The following HSD11B2 variants were observed in gnomAD, a reference collection of about 807,000 sequenced individuals.
The protein encoded by HSD11B2 is hydroxysteroid 11-beta dehydrogenase 2.
HSD11B2 carries 17 observed loss-of-function variants against 20.9 expected under a neutral mutation model. The observed-to-expected ratio is 0.81, with a 90% confidence interval of 0.56 to 1.22. The LOEUF (loss-of-function observed/expected upper bound fraction) is 1.22. HSD11B2 is among the 50% of genes most tolerant of loss of function. The pLI is 0.00. For missense variants in HSD11B2, 480 were observed against 563.6 expected, an observed-to-expected ratio of 0.85 and a Z score of 1.50; for synonymous variants, 253 against 255.4, an observed-to-expected ratio of 0.99 and a Z score of 0.09.
intron 1 of HSD11B2, 42 bp downstream of exon 1, chr16:67,431,555 G>T: frequency 7.6e-7 from 1 of 1,316,388 alleles, no homozygotes; most frequent in South Asian, 2.0e-5. Context: ...CCAGGCTCGA[G>T]GGCGGGACTG....
Position 67,436,993 on chromosome 16 carries a change from T to TG in HSD11B2, c.1210dup (p.Ala404GlyfsTer75). 1.2e-6 allele frequency: 2 copies of TG among 1,608,318 alleles called. No homozygotes were observed. Among genetic ancestry groups the TG allele is most frequent in the Non-Finnish European group, 8.5e-7 (1 of 1,179,888 alleles). ...CTGAGCCCCGGCCCTTCCCCAGCAG[T>TG]GGCTCGGTGAGCCATGTGCACCTAT... On this transcript the variant is annotated frameshift_variant, in exon 5 of 5. Coordinates refer to ENST00000326152, the MANE Select transcript of HSD11B2 (RefSeq NM_000196.4). LOFTEE classifies it high-confidence loss of function. This position sits in a 1 kb window ranked among gnomAD's most constrained non-coding sequence, Gnocchi z 5.7.
At chr16:67,432,527 T>C (rs12935253) in intron 1 of HSD11B2, 38,191 of 151,920 alleles carry the variant, frequency 0.25, 9,244 homozygotes, top group African/African-American at 0.64. Flanking sequence ...AGTGGGGCCT[T>C]GGAGCATGAG....
chr16:67,435,065 G>A (rs910631572), intron 1 of HSD11B2, among the ~76,000 whole-genome samples: 3 of 150,830 alleles, frequency 2.0e-5, no homozygotes, highest in East Asian at 1.9e-4. Flanking sequence ...CCAGCCAGGC[G>A]TGGTGACACA....
At chr16:67,432,370 G>A (rs1173249088) in intron 1 of HSD11B2, among the ~76,000 whole-genome samples, 2 of 152,136 alleles carry the variant, frequency 1.3e-5, no homozygotes, top group Admixed American at 6.5e-5. Context: ...CAATACCCAC[G>A]GCTTTGGACA....
intron 1 of HSD11B2, among the ~76,000 whole-genome samples, chr16:67,434,397 G>C (rs1167232699): frequency 6.6e-6 from 1 of 152,196 alleles, no homozygotes; most frequent in African/African-American, 2.4e-5. Flanking sequence ...GCCTGAGCCA[G>C]GGAGCTTGGG....
Position 67,431,207 on chromosome 16 carries a change from G to GCCCGGCCCCCGCCCCGCCCCGC in HSD11B2, c.-38_-17dup, listed in dbSNP as rs2040929740. ...AGAAGCTCTCTCTCCCCGCTCCCCG[G>GCCCGGCCCCCGCCCCGCCCCGC]CCCGGCCCCCGCCCCGCCCCGCCCC... On this transcript the variant is annotated 5_prime_UTR_variant, in exon 1 of 5. Coordinates refer to ENST00000326152, the MANE Select transcript of HSD11B2 (RefSeq NM_000196.4). 9.0e-7 allele frequency: 1 copy of GCCCGGCCCCCGCCCCGCCCCGC among 1,115,770 alleles called. No homozygotes were observed. Among genetic ancestry groups the GCCCGGCCCCCGCCCCGCCCCGC allele is most frequent in the Admixed American group, 4.9e-5 (1 of 20,544 alleles). The allele number at this position is 1,115,770 out of a possible 1,614,324, so 69.1% of individuals were successfully genotyped here. A position where few individuals can be genotyped will look rare whatever the true frequency, so the allele number is the denominator to read the frequency against.
At chr16:67,435,910 G>C in intron 2 of HSD11B2, 47 bp from the exon 3 acceptor site, 1 of 1,613,866 alleles carries the variant, frequency 6.2e-7, no homozygotes, top group South Asian at 1.1e-5. Flanking sequence ...CTGGAAGTTT[G>C]CTGCTGGGCT....
rs1432719368 is a variant in HSD11B2, at chr16:67,431,246, G to T, written c.-3G>T. 1.6e-6 allele frequency: 2 copies of T among 1,225,942 alleles called. No homozygotes were observed. The highest frequency in any genetic ancestry group is 7.2e-5 in the Admixed American group (2 of 27,934). 75.9% of individuals were successfully genotyped at this position (1,225,942 alleles called of 1,614,324 possible). A position where few individuals can be genotyped will look rare whatever the true frequency, so the allele number is the denominator to read the frequency against. ...CCGCCCCGCCCCAGCCCGCTGGGCCGCCATGGAGCGCTGGCCTTGGCCGTC... is the reference window on the plus strand; with the variant it reads ...CCGCCCCGCCCCAGCCCGCTGGGCCTCCATGGAGCGCTGGCCTTGGCCGTC... On this transcript the variant is annotated 5_prime_UTR_variant, in exon 1 of 5. Coordinates refer to ENST00000326152, the MANE Select transcript of HSD11B2 (RefSeq NM_000196.4).
At position 67,436,175 on chromosome 16, in the gene HSD11B2, G is replaced by GC. The variant is rs765596024; in HGVS notation, c.664+38dup. The GC allele has an allele frequency of 2.5e-6, 4 of 1,613,526 alleles. No homozygotes were observed. Among genetic ancestry groups the GC allele is most frequent in the East Asian group, 2.2e-5 (1 of 44,894 alleles). ...CCCCCCCCCACTGGAGCAAAAAGGA[G>GC]CCCCCTGGGGTGGGGGAGGGCTTAG... On this transcript the variant is annotated intron_variant, in intron 3 of 4. Coordinates refer to ENST00000326152, the MANE Select transcript of HSD11B2 (RefSeq NM_000196.4). This position sits in a 1 kb window ranked among gnomAD's most constrained non-coding sequence, Gnocchi z 5.7.
Position 67,435,852 on chromosome 16 carries a change from G to A in HSD11B2, c.478+12G>A, listed in dbSNP as rs1221471481. On this transcript the variant is annotated intron_variant, in intron 2 of 4. Coordinates refer to ENST00000326152, the MANE Select transcript of HSD11B2 (RefSeq NM_000196.4). ...CACCACCAGCACCGGTCAGTGGCAAGTGTCCACCAGGCAAGGGCGTGGCAG... is the reference window on the plus strand; with the variant it reads ...CACCACCAGCACCGGTCAGTGGCAAATGTCCACCAGGCAAGGGCGTGGCAG... The A allele has an allele frequency of 1.9e-6, 3 of 1,613,956 alleles. No homozygotes were observed. The highest frequency in any genetic ancestry group is 2.5e-6 in the Non-Finnish European group (3 of 1,180,000).
chr16:67,431,146 C>A lies in HSD11B2; in HGVS notation c.-103C>A. 1.7e-6 allele frequency: 1 copy of A among 580,008 alleles called. No homozygotes were observed. Among genetic ancestry groups the A allele is most frequent in the Non-Finnish European group, 2.3e-6 (1 of 443,814 alleles). 35.9% of individuals were successfully genotyped at this position (580,008 alleles called of 1,614,324 possible). On this transcript the variant is annotated 5_prime_UTR_variant, in exon 1 of 5. Transcript: ENST00000326152. ...GAAAGCGAGTGTCCCTCTCGCGCCC[C>A]AGGCCGGTGTACCCCCGCACTCCGC...
intron 1 of HSD11B2, among the ~76,000 whole-genome samples, chr16:67,432,270 G>A (rs940866641): frequency 6.6e-6 from 1 of 152,036 alleles, no homozygotes; most frequent in Non-Finnish European, 1.5e-5. Context: ...GGGGGGGGGG[G>A]GCTGGAGGCC....
chr16:67,436,648 C>T lies in HSD11B2; in HGVS notation c.863C>T (p.Pro288Leu). 6.2e-7 allele frequency: 1 copy of T among 1,614,208 alleles called. No homozygotes were observed. Among genetic ancestry groups the T allele is most frequent in the Non-Finnish European group, 8.5e-7 (1 of 1,180,040 alleles). The change falls in exon 5 of 5, where the codon CCT (proline) becomes CTT (leucine). Residue 288 changes from proline to leucine, a missense_variant. Pro to Leu is a moderately conservative substitution (Grantham distance 98). Coordinates refer to ENST00000326152, the MANE Select transcript of HSD11B2 (RefSeq NM_000196.4). This position sits in a 1 kb window ranked among gnomAD's most constrained non-coding sequence, Gnocchi z 5.7. ...KRKQLLLANL[P>L]QELLQAYGKD... ...AAGCAATTGCTGCTGGCCAACCTGC[C>T]TCAAGAGCTGCTGCAGGCCTACGGC...
Position 67,435,697 on chromosome 16 carries a change from C to G in HSD11B2, c.335C>G (p.Thr112Ser), listed in dbSNP as rs913489956. 6.2e-7 allele frequency: 1 copy of G among 1,613,936 alleles called. No individual in the cohort carries two copies. The highest frequency in any genetic ancestry group is 8.5e-7 in the Non-Finnish European group (1 of 1,180,004). ...TCCATGGGCTTCACGGTGCTGGCCA[C>G]CGTATTGGAGTTGAACAGCCCCGGT... ...LDSMGFTVLA[T>S]VLELNSPGAI... The change falls in exon 2 of 5, where the codon ACC becomes AGC. Residue 112 changes from threonine to serine, a missense_variant. Thr to Ser is a moderately conservative substitution (Grantham distance 58, BLOSUM62 1). This residue lies in a region of HSD11B2 where 374 missense variants were observed against 480.9 expected (regional missense o/e 0.78). Transcript: ENST00000326152.
chr16:67,430,214 C>G (rs899846024), upstream of HSD11B2, among the ~76,000 whole-genome samples: 4 of 152,184 alleles, frequency 2.6e-5, no homozygotes, highest in Non-Finnish European at 5.9e-5. The surrounding 1 kb of genome is among the most constrained non-coding windows in gnomAD (Gnocchi z 5.4). Flanking sequence ...TCCACCCACA[C>G]TCATACCACT....
chr16:67,436,155 C>A lies in HSD11B2; in HGVS notation c.664+13C>A, dbSNP rs541201341. On this transcript the variant is annotated intron_variant, in intron 3 of 4. Coordinates refer to ENST00000326152, the MANE Select transcript of HSD11B2 (RefSeq NM_000196.4). The surrounding 1 kb of genome is among the most constrained non-coding windows in gnomAD (Gnocchi z 5.7). ...GGGAGCCCAGCGGGTGAGTGCCCCC[C>A]CCCACTGGAGCAAAAAGGAGCCCCC... 9.3e-6 allele frequency: 15 copies of A among 1,613,634 alleles called. No homozygotes were observed. Among genetic ancestry groups the A allele is most frequent in the South Asian group, 8.8e-5 (8 of 91,074 alleles).
rs768865429 is a variant in HSD11B2, at chr16:67,436,791, C to A, written c.1006C>A (p.Arg336Ser). Residue 336 changes from arginine (R) to serine (S), a missense_variant, in exon 5 of 5, where the codon CGC becomes AGC. Around this residue, in one of 2 missense-constraint regions of HSD11B2, gnomAD observed 374 missense variants for 480.9 expected, o/e 0.78. Coordinates refer to ENST00000326152, the MANE Select transcript of HSD11B2 (RefSeq NM_000196.4). The surrounding 1 kb of genome is among the most constrained non-coding windows in gnomAD (Gnocchi z 5.7). ...TGCGCTGCTGGCAGCTCGGCCCCGC[C>A]GCCGCTATTACCCCGGCCAGGGCCT... ...TDALLAARPR[R>S]RYYPGQGLGL... 6.2e-7 allele frequency: 1 copy of A among 1,613,894 alleles called. No individual in the cohort carries two copies. Among genetic ancestry groups the A allele is most frequent in the Non-Finnish European group, 8.5e-7 (1 of 1,180,036 alleles).
intron 1 of HSD11B2, 148 bp downstream of exon 1, chr16:67,431,661 G>A (rs2040934509): frequency 2.3e-6 from 2 of 876,622 alleles, no homozygotes; most frequent in African/African-American, 1.8e-5. Context: ...CAGGGAGCGA[G>A]CCAAATAGGG....
chr16:67,435,879 G>A (rs2040966499), intron 2 of HSD11B2, 39 bp downstream of exon 2: 2 of 1,613,414 alleles, frequency 1.2e-6, no homozygotes, highest in East Asian at 2.2e-5. Flanking sequence ...GCGTGGCAGG[G>A]GAGTGGGAAG....
Sources: allele counts gnomAD v4.1 joint callset (sites outside exome capture counted in the v4.1 genomes callset), GRCh38; gene constraint gnomAD v4.1.1; regional missense constraint gnomAD v4.1.1; non-coding constraint Gnocchi (gnomAD v3.1); transcripts MANE v1.5; gene names NCBI Gene and HGNC (gene_info 2026-07-23, HGNC 2026-07-21).